CSMD3: variants seen among roughly 807,000 people sequenced by gnomAD.
The protein encoded by CSMD3 is CUB and sushi domain-containing protein 3.
Under a neutral mutation model 435.2 loss-of-function variants are expected in CSMD3, and 177 were observed. That is an observed-to-expected ratio of 0.41 (90% CI 0.36 to 0.46). The LOEUF is 0.46. Ranked by LOEUF, CSMD3 falls within the 20% of genes least tolerant of loss-of-function variation. CSMD3 has a pLI of 0.34. For missense variants in CSMD3, 4,265 were observed against 4,504.6 expected, an observed-to-expected ratio of 0.95 and a Z score of 1.52; for synonymous variants, 1,656 against 1,520.5, an observed-to-expected ratio of 1.09 and a Z score of -2.07.
intron 4 of CSMD3, among the ~76,000 whole-genome samples, chr8:113,115,654 G>C (rs2090800971): frequency 6.6e-6 from 1 of 152,162 alleles, no homozygotes; most frequent in Non-Finnish European, 1.5e-5. Flanking sequence ...CTGTTTGACA[G>C]TGGTACGTGT....
chr8:112,649,986 C>T (rs1230306369), intron 19 of CSMD3, among the ~76,000 whole-genome samples, 175 bp downstream of exon 19: 1 of 151,992 alleles, frequency 6.6e-6, no homozygotes, highest in African/African-American at 2.4e-5. Context: ...GTAAGTTTGG[C>T]TGATTAGCAA....
At chr8:113,072,600 A>G (rs563684760) in intron 5 of CSMD3, among the ~76,000 whole-genome samples, 17 of 151,908 alleles carry the variant, frequency 1.1e-4, no homozygotes, top group African/African-American at 3.9e-4. Flanking sequence ...TTGAATTCTA[A>G]ATATCTTCTA....
chr8:113,243,900 TC>T (rs1265823026), intron 3 of CSMD3, among the ~76,000 whole-genome samples: 21 of 152,298 alleles, frequency 1.4e-4, no homozygotes, highest in African/African-American at 4.8e-4. Context: ...TATTTTAATA[TC>T]TTTTTTGTAG....
intron 32 of CSMD3, among the ~76,000 whole-genome samples, chr8:112,414,379 C>G (rs1334535901): frequency 1.3e-5 from 2 of 152,098 alleles, no homozygotes; most frequent in Non-Finnish European, 2.9e-5. Flanking sequence ...TGGCATTCCC[C>G]CTGCTGGCTC....
At chr8:113,085,633 T>C (rs1207033528) in intron 5 of CSMD3, among the ~76,000 whole-genome samples, 3 of 152,124 alleles carry the variant, frequency 2.0e-5, no homozygotes, top group South Asian at 4.1e-4. Flanking sequence ...AATGGCAACA[T>C]GTATGAACCT....
At chr8:113,312,848 T>TTGTATGAGTTACAATGTAAAAGTTTA (rs2093880238) in intron 2 of CSMD3, 1 of 152,138 alleles carries the variant, frequency 6.6e-6, no homozygotes, top group African/African-American at 2.4e-5. Flanking sequence ...TAGATGATTA[T>TTGTATGAGTTACAATGTAAAAGTTTA]TGTATGAGTT....
intron 16 of CSMD3, among the ~76,000 whole-genome samples, chr8:112,681,393 A>G (rs1420316960): frequency 1.3e-5 from 2 of 152,158 alleles, no homozygotes; most frequent in East Asian, 3.9e-4. Flanking sequence ...ATTATTAGAT[A>G]CTATAGTGGA....
chr8:112,733,206 C>T (rs1380087690), intron 13 of CSMD3, among the ~76,000 whole-genome samples: 1 of 152,004 alleles, frequency 6.6e-6, no homozygotes, highest in African/African-American at 2.4e-5. Flanking sequence ...ACTGGCTTCC[C>T]CCTTATTCAA....
At chr8:112,950,729 T>C (rs1199105121) in intron 8 of CSMD3, among the ~76,000 whole-genome samples, 1 of 151,916 alleles carries the variant, frequency 6.6e-6, no homozygotes, top group African/African-American at 2.4e-5. Context: ...TACTGCTAGT[T>C]AATGGGAATC....
At chr8:112,789,781 T>C (rs534603327) in intron 13 of CSMD3, among the ~76,000 whole-genome samples, 1 of 152,090 alleles carries the variant, frequency 6.6e-6, no homozygotes, top group Admixed American at 6.6e-5. Context: ...TTCACTTGAG[T>C]TAAAGGATAG....
chr8:112,642,305 G>A (rs372011762), intron 20 of CSMD3, among the ~76,000 whole-genome samples: 24 of 151,850 alleles, frequency 1.6e-4, no homozygotes, highest in East Asian at 1.4e-3. Context: ...TAGGTTTCCC[G>A]TAACTATTTA....
At chr8:113,015,528 T>C (rs2086422864) in intron 6 of CSMD3, among the ~76,000 whole-genome samples, 1 of 151,952 alleles carries the variant, frequency 6.6e-6, no homozygotes, top group African/African-American at 2.4e-5. Flanking sequence ...TATATTTACA[T>C]ATTTAAAATT....
Position 112,692,449 on chromosome 8 carries a change from T to C in CSMD3, c.1973-2399A>G, listed in dbSNP as rs149339355. On this transcript the variant is annotated intron_variant, in intron 13 of 70. Transcript: ENST00000297405. Reference sequence around the variant, plus strand: ...TGTTGTTTCTTTGGTATTCAGTATATGTATATCGAGGTCTTGCAGTGGATA... The same window carrying C: ...TGTTGTTTCTTTGGTATTCAGTATACGTATATCGAGGTCTTGCAGTGGATA... Among the ~76,000 whole-genome samples, 93 of 152,282 alleles carry C rather than the reference T, an allele frequency of 6.1e-4. 1 individual carries two copies. The East Asian group carries it at 0.016, about 27-fold the overall frequency.
chr8:112,253,669 A>G (rs898919065), intron 63 of CSMD3, among the ~76,000 whole-genome samples: 2 of 152,046 alleles, frequency 1.3e-5, no homozygotes, highest in East Asian at 1.9e-4. Flanking sequence ...TAAATTGGAA[A>G]AAGAGAGAAC....
At chr8:112,573,744 G>C in intron 23 of CSMD3, 87 bp from the exon 24 acceptor site, 1 of 1,110,082 alleles carries the variant, frequency 9.0e-7, no homozygotes. Flanking sequence ...AAAGAGAAAA[G>C]TGTACTTTTT....
At chr8:113,412,922 C>T (rs1415215127) in intron 1 of CSMD3, among the ~76,000 whole-genome samples, 1 of 152,080 alleles carries the variant, frequency 6.6e-6, no homozygotes, top group East Asian at 1.9e-4. Context: ...CATAATCATG[C>T]ACACGGACAC....
intron 32 of CSMD3, among the ~76,000 whole-genome samples, chr8:112,452,625 A>G (rs757086278): frequency 1.3e-5 from 2 of 152,232 alleles, no homozygotes; most frequent in Non-Finnish European, 2.9e-5. Flanking sequence ...CTTTTTAAGG[A>G]ATTTTCAATG....
intron 12 of CSMD3, among the ~76,000 whole-genome samples, chr8:112,829,079 T>C (rs1041513165): frequency 2.6e-4 from 40 of 152,270 alleles, no homozygotes; most frequent in Admixed American, 2.3e-3. Flanking sequence ...ATAGCTTACC[T>C]TTAGTCAATT....
chr8:112,406,553 T>A lies in CSMD3; in HGVS notation c.5780A>T (p.Gln1927Leu). ...RCETVPNSLA[Q>L]WNDSLPTCIV... ...ACAAGTAGGTAAGGAATCATTCCACTGGGCCAAAGAATTGGGCACTGTTTC... is the reference window on the plus strand; with the variant it reads ...ACAAGTAGGTAAGGAATCATTCCACAGGGCCAAAGAATTGGGCACTGTTTC... Residue 1927 changes from glutamine (Q) to leucine (L), a missense_variant, in exon 35 of 71, where the codon CAG becomes CTG. Transcript: ENST00000297405. The A allele has an allele frequency of 6.2e-7, 1 of 1,611,146 alleles. No individual in the cohort carries two copies.
Sources: allele counts gnomAD v4.1 joint callset (sites outside exome capture counted in the v4.1 genomes callset), GRCh38; gene constraint gnomAD v4.1.1; transcripts MANE v1.5; gene names NCBI Gene and HGNC (gene_info 2026-07-23, HGNC 2026-07-21).